TRHDE: variants seen among roughly 807,000 people sequenced by gnomAD.
TRHDE encodes the protein thyrotropin-releasing hormone-degrading ectoenzyme.
Under a neutral mutation model 125.7 loss-of-function variants are expected in TRHDE, and 72 were observed. The ratio of observed to expected loss-of-function variants is 0.57; its 90% CI spans 0.47 to 0.70. The LOEUF (loss-of-function observed/expected upper bound fraction) is 0.70. Ranked by LOEUF, TRHDE falls within the 30% of genes least tolerant of loss-of-function variation. TRHDE has a pLI of 0.00. For synonymous variants in TRHDE, 509 were observed against 509.1 expected (o/e 1.00, Z 0.00); for missense variants, 1,110 against 1,327.1 (o/e 0.84, Z 2.54).
At chr12:72,527,758 C>T (rs977491618) in intron 6 of TRHDE, among the ~76,000 whole-genome samples, 1 of 151,878 alleles carries the variant, frequency 6.6e-6, no homozygotes, top group African/African-American at 2.4e-5. Flanking sequence ...TTATACACAT[C>T]AATATTATAT....
At chr12:72,194,466 T>C (rs1051580543) in intron 2 of TRHDE, among the ~76,000 whole-genome samples, 1 of 152,016 alleles carries the variant, frequency 6.6e-6, no homozygotes, top group African/African-American at 2.4e-5. Context: ...ATGTGGAGGT[T>C]TGTTACCTGG....
chr12:72,637,123 C>T (rs543320780), intron 15 of TRHDE, among the ~76,000 whole-genome samples: 68 of 152,166 alleles, frequency 4.5e-4, no homozygotes, highest in Admixed American at 1.0e-3. Flanking sequence ...GCTGTGAATC[C>T]ATCTGGTCCC....
At chr12:72,615,587 A>G (rs902651438) in intron 12 of TRHDE, among the ~76,000 whole-genome samples, 11 of 152,150 alleles carry the variant, frequency 7.2e-5, no homozygotes, top group African/African-American at 2.7e-4. Flanking sequence ...GTACCTACAT[A>G]TTGTGATGTC....
chr12:72,126,014 C>G (rs1192616324), intron 2 of TRHDE, among the ~76,000 whole-genome samples: 1 of 152,020 alleles, frequency 6.6e-6, no homozygotes, highest in Non-Finnish European at 1.5e-5. Context: ...AACACAGAAC[C>G]CTGGGAGGGT....
intron 2 of TRHDE, among the ~76,000 whole-genome samples, chr12:72,216,577 C>A (rs981174994): frequency 6.6e-6 from 1 of 152,094 alleles, no homozygotes; most frequent in African/African-American, 2.4e-5. Context: ...TTCATTTATT[C>A]TCCTGTAAAA....
At position 72,639,333 on chromosome 12, in the gene TRHDE, C is replaced by T. The variant is rs1448703054; in HGVS notation, c.2676-12989C>T. 7.0e-4 allele frequency among the ~76,000 whole-genome samples: 106 copies of T among 150,780 alleles called. 1 individual carries two copies. Among genetic ancestry groups the T allele is most frequent in the African/African-American group, 1.7e-3 (72 of 41,434 alleles). On this transcript the variant is annotated intron_variant, in intron 15 of 18. Transcript: ENST00000261180. ...GCTTCTGCATTCTTCACGTAGTTCT[C>T]GAGCCTTGGTTTTCAGCTCCATCAG...
rs114336118 is a variant in TRHDE at position 72,466,997 on chromosome 12, A to G, written c.1316-2761A>G. Among the ~76,000 whole-genome samples, 488 of 152,364 alleles carry G rather than the reference A, an allele frequency of 3.2e-3. 1 individual carries two copies. The highest frequency in any genetic ancestry group is 0.011 in the African/African-American group (453 of 41,590). On this transcript the variant is annotated intron_variant, in intron 3 of 18. Transcript: ENST00000261180. ...TGCAGAACAAGGCAAAACTGCGTCT[A>G]TATTGAGCAAAGGAGATGCTCAATG... is the stretch of plus-strand genomic sequence containing the variant.
At chr12:72,529,420 AC>A (rs1248902092) in intron 6 of TRHDE, among the ~76,000 whole-genome samples, 1 of 151,902 alleles carries the variant, frequency 6.6e-6, no homozygotes, top group African/African-American at 2.4e-5. Context: ...CCCTTTCTTA[AC>A]CCCCTGTCCC....
intron 2 of TRHDE, among the ~76,000 whole-genome samples, chr12:72,233,250 C>A (rs755338017): frequency 1.3e-4 from 20 of 152,174 alleles, no homozygotes; most frequent in Middle Eastern, 3.4e-3. Context: ...AGAAAACGCT[C>A]TTATGAATCA....
intron 1 of TRHDE, among the ~76,000 whole-genome samples, chr12:72,281,175 C>G (rs1331544810): frequency 6.6e-6 from 1 of 151,982 alleles, no homozygotes; most frequent in Non-Finnish European, 1.5e-5. Context: ...TTAGTTTACT[C>G]CAATGGTTAT....
Position 72,571,686 on chromosome 12 carries a change from G to A in TRHDE, c.2131+3030G>A, listed in dbSNP as rs529308947. On this transcript the variant is annotated intron_variant, in intron 10 of 18. Transcript: ENST00000261180. ...TATTCAATTAACGGTTCATGGAGAGGAATAAATGTAATGCCAAATGTTAGG... is the reference window on the plus strand; with the variant it reads ...TATTCAATTAACGGTTCATGGAGAGAAATAAATGTAATGCCAAATGTTAGG... 7.9e-5 allele frequency among the ~76,000 whole-genome samples: 12 copies of A among 152,092 alleles called. No homozygotes were observed. In the South Asian group the frequency reaches 2.3e-3, roughly 29 times the overall value.
At chr12:72,489,484 G>T (rs1009071017) in intron 5 of TRHDE, among the ~76,000 whole-genome samples, 1 of 151,710 alleles carries the variant, frequency 6.6e-6, no homozygotes, top group Non-Finnish European at 1.5e-5. Flanking sequence ...CACAGAAATA[G>T]AAGAAAACAA....
intron 6 of TRHDE, among the ~76,000 whole-genome samples, chr12:72,510,682 T>C (rs1309858737): frequency 1.3e-5 from 2 of 152,210 alleles, no homozygotes; most frequent in African/African-American, 4.8e-5. Flanking sequence ...TATTTAGAAG[T>C]AAGTAACATA....
chr12:72,129,056 G>A (rs141851002), intron 2 of TRHDE, among the ~76,000 whole-genome samples: 88 of 152,294 alleles, frequency 5.8e-4, no homozygotes, highest in African/African-American at 2.1e-3. Context: ...TGTCACATGT[G>A]TACAGAGGAA....
intron 2 of TRHDE, among the ~76,000 whole-genome samples, chr12:72,184,009 G>A (rs1877150434): frequency 6.6e-6 from 1 of 152,114 alleles, no homozygotes; most frequent in Non-Finnish European, 1.5e-5. Context: ...TTACTAATCT[G>A]TAAAATACAA....
intron 6 of TRHDE, among the ~76,000 whole-genome samples, chr12:72,512,995 A>G (rs1878673039): frequency 6.6e-6 from 1 of 152,068 alleles, no homozygotes; most frequent in South Asian, 2.1e-4. Flanking sequence ...TTGAGGAATG[A>G]CTTTTAATCA....
intron 2 of TRHDE, among the ~76,000 whole-genome samples, chr12:72,189,378 T>TC (rs376306952): frequency 2.1e-3 from 324 of 152,340 alleles, no homozygotes; most frequent in African/African-American, 7.6e-3. Context: ...GAAAACACCC[T>TC]CTCACTGTCA....
chr12:72,315,930 T>G (rs1868779764), intron 2 of TRHDE, among the ~76,000 whole-genome samples: 1 of 152,244 alleles, frequency 6.6e-6, no homozygotes, highest in South Asian at 2.1e-4. Flanking sequence ...CCCCTTTTTA[T>G]GTAATTTAGC....
At chr12:72,367,061 A>G (rs1448983699) in intron 2 of TRHDE, among the ~76,000 whole-genome samples, 2 of 152,126 alleles carry the variant, frequency 1.3e-5, no homozygotes, top group South Asian at 2.1e-4. Flanking sequence ...TCATATCATC[A>G]TGTGCCTCCT....
Sources: allele counts gnomAD v4.1 joint callset (sites outside exome capture counted in the v4.1 genomes callset), GRCh38; gene constraint gnomAD v4.1.1; transcripts MANE v1.5; gene names NCBI Gene and HGNC (gene_info 2026-07-23, HGNC 2026-07-21).